Variants in DGKB observed in about 807,000 individuals in gnomAD.
DGKB encodes the protein diacylglycerol kinase beta, also known as 90 kDa diacylglycerol kinase.
A neutral mutation model predicts 114.3 loss-of-function variants in DGKB; 67 were observed. The observed-to-expected ratio is 0.59, with a 90% CI of 0.48 to 0.72. The LOEUF is 0.72. Ranked by LOEUF, DGKB falls within the 30% of genes least tolerant of loss-of-function variation. The probability of loss-of-function intolerance (pLI) is 0.00; values close to 1 mark genes in which losing one functional copy is unlikely to be tolerated. For missense variants in DGKB, 907 were observed against 975.2 expected, an observed-to-expected ratio of 0.93 and a Z score of 0.93; for synonymous variants, 398 against 323.1, an observed-to-expected ratio of 1.23 and a Z score of -2.49.
chr7:14,345,266 A>C lies in DGKB; in HGVS notation c.1926+35T>G, dbSNP rs199664620. The C allele has an allele frequency of 3.3e-6, 4 of 1,227,640 alleles. No individual in the cohort carries two copies. In the South Asian group the frequency reaches 4.0e-5, roughly 12 times the overall value. The allele number at this position is 1,227,640 out of a possible 1,614,324, so 76.0% of individuals were successfully genotyped here. On this transcript the variant is annotated intron_variant, in intron 22 of 25. Coordinates refer to ENST00000402815, the MANE Select transcript of DGKB (RefSeq NM_001350709.2). ...CTAACAACAAAGCTCAAGCCATTTC[A>C]TCATATTACAAAAGAGAATTCATTT...
rs374702658 is a variant in DGKB at position 14,322,423 on chromosome 7, A to T, written c.2122+16092T>A. Among the ~76,000 whole-genome samples, 222 of 152,318 alleles carry T rather than the reference A, an allele frequency of 1.5e-3. 2 individuals carry two copies. The highest frequency in any genetic ancestry group is 0.014 in the Middle Eastern group (4 of 294). Reference sequence around the variant, plus strand: ...TCTTTTCAATAAATACTGCTGGGTCAGTTGGATAATGATATGAAAAAAGAA... The same window carrying T: ...TCTTTTCAATAAATACTGCTGGGTCTGTTGGATAATGATATGAAAAAAGAA... On this transcript the variant is annotated intron_variant, in intron 23 of 25. Coordinates refer to ENST00000402815, the MANE Select transcript of DGKB (RefSeq NM_001350709.2).
chr7:14,218,941 A>G (rs1789465533), intron 23 of DGKB, among the ~76,000 whole-genome samples: 1 of 151,828 alleles, frequency 6.6e-6, no homozygotes, highest in South Asian at 2.1e-4. Context: ...TCAGTCCACT[A>G]TTCTCCCAGC....
chr7:14,338,496 T>A lies in DGKB; in HGVS notation c.2122+19A>T. 6.6e-7 allele frequency: 1 copy of A among 1,515,092 alleles called. No individual in the cohort carries two copies. Among genetic ancestry groups the A allele is most frequent in the Non-Finnish European group, 8.8e-7 (1 of 1,130,070 alleles). 93.9% of individuals were successfully genotyped at this position (1,515,092 alleles called of 1,614,324 possible). On this transcript the variant is annotated intron_variant, in intron 23 of 25. Transcript: ENST00000402815. ...ACAGGTTAACAAGCAATTTAACAAC[T>A]AATTGTTAGAAAACTGACCTTGACT...
Position 14,931,261 on chromosome 7 carries a change from G to A in DGKB, c.-188+43435C>T, listed in dbSNP as rs138401376. On this transcript the variant is annotated intron_variant, in intron 1 of 4. Coordinates refer to the DGKB transcript ENST00000437998. The stretch of plus-strand genomic sequence containing the variant: ...TGAGTATCTGGGATTACAGGCGTGC[G>A]CCTCCAAGCCCAGCTAATTTTTGTA... 2.0e-4 allele frequency among the ~76,000 whole-genome samples: 30 copies of A among 152,094 alleles called. No individual in the cohort carries two copies. The East Asian group carries it at 3.3e-3, about 17-fold the overall frequency.
At chr7:14,313,407 TGG>T (rs1187429843) in intron 23 of DGKB, among the ~76,000 whole-genome samples, 12 of 151,972 alleles carry the variant, frequency 7.9e-5, no homozygotes, top group Non-Finnish European at 1.2e-4. Flanking sequence ...CGCAGGTCAG[TGG>T]GTGTGCGCAC....
At chr7:14,865,400 G>A (rs1244955852) in intron 1 of DGKB, among the ~76,000 whole-genome samples, 1 of 152,082 alleles carries the variant, frequency 6.6e-6, no homozygotes, top group Non-Finnish European at 1.5e-5. Context: ...TGCTATTTCT[G>A]GCAGTTGGCT....
At chr7:14,614,759 T>A (rs1003757010) in intron 15 of DGKB, among the ~76,000 whole-genome samples, 14 of 152,126 alleles carry the variant, frequency 9.2e-5, no homozygotes, top group Admixed American at 8.5e-4. Context: ...CATATCCAAC[T>A]AGCTCTCATT....
At chr7:14,765,660 CCAGA>C (rs1196826289) in intron 2 of DGKB, among the ~76,000 whole-genome samples, 1 of 151,922 alleles carries the variant, frequency 6.6e-6, no homozygotes, top group Admixed American at 6.6e-5. Flanking sequence ...GCAACCCTAT[CCAGA>C]CACTAGGAAC....
chr7:14,437,041 T>C (rs998911972), intron 21 of DGKB, among the ~76,000 whole-genome samples: 1 of 152,146 alleles, frequency 6.6e-6, no homozygotes, highest in African/African-American at 2.4e-5. Flanking sequence ...TGGGTTTCTT[T>C]CTGCTTATTT....
chr7:14,473,764 GTCAAAAGGAGA>G (rs1333749276), intron 21 of DGKB, among the ~76,000 whole-genome samples: 1 of 152,208 alleles, frequency 6.6e-6, no homozygotes, highest in Non-Finnish European at 1.5e-5. Context: ...GAGACATAGA[GTCAAAAGGAGA>G]TCATTTTGGG....
intron 23 of DGKB, among the ~76,000 whole-genome samples, chr7:14,253,374 C>A (rs1795520547): frequency 6.6e-6 from 1 of 152,106 alleles, no homozygotes; most frequent in Non-Finnish European, 1.5e-5. Context: ...GCTGCCAACT[C>A]CTATTCTGCC....
intron 21 of DGKB, among the ~76,000 whole-genome samples, chr7:14,346,348 C>T (rs1465324274): frequency 1.3e-5 from 2 of 151,684 alleles, no homozygotes; most frequent in Non-Finnish European, 2.9e-5. Context: ...ATGTTAAATC[C>T]AATAGAGTGC....
intron 21 of DGKB, among the ~76,000 whole-genome samples, chr7:14,451,629 G>A (rs1831519786): frequency 1.3e-5 from 2 of 151,358 alleles, no homozygotes; most frequent in African/African-American, 4.9e-5. Context: ...ATACTCCTAT[G>A]TTATAAGAAA....
rs1781464274 is a variant in DGKB at position 14,146,247 on chromosome 7, C to T, written c.*2884G>A. The T allele has an allele frequency of 6.6e-6, 1 of 152,154 alleles. No homozygotes were observed. The highest frequency in any genetic ancestry group is 1.5e-5 in the Non-Finnish European group (1 of 68,024). 9.4% of individuals were successfully genotyped at this position (152,154 alleles called of 1,614,324 possible). ...TGGTTCTATGTAGATACCTCCCTTC[C>T]TATCTCTTAGAAGCGTGGATATCAA... is the stretch of plus-strand genomic sequence containing the variant. On this transcript the variant is annotated 3_prime_UTR_variant, in exon 26 of 26. Transcript: ENST00000402815.
At position 14,694,059 on chromosome 7, in the gene DGKB, C is replaced by T; in HGVS notation, c.711+16G>A. 2 of 1,568,204 alleles carry T rather than the reference C, an allele frequency of 1.3e-6. No homozygotes were observed. Among genetic ancestry groups the T allele is most frequent in the Non-Finnish European group, 1.7e-6 (2 of 1,154,478 alleles). ...TGACTCACCACCAGGCCACCCTCCT[C>T]TGTGGAAATGCTTACATTTTCTAAG... is the stretch of plus-strand genomic sequence containing the variant. On this transcript the variant is annotated intron_variant, in intron 9 of 25. Coordinates refer to ENST00000402815, the MANE Select transcript of DGKB (RefSeq NM_001350709.2).
intron 23 of DGKB, among the ~76,000 whole-genome samples, chr7:14,282,881 C>G (rs1329974475): frequency 1.3e-5 from 2 of 152,072 alleles, no homozygotes; most frequent in Non-Finnish European, 2.9e-5. Context: ...TAAGAGCTAT[C>G]TATGACAGAC....
chr7:14,573,251 GC>G (rs1798645419), intron 20 of DGKB, among the ~76,000 whole-genome samples: 1 of 151,898 alleles, frequency 6.6e-6, no homozygotes, highest in African/African-American at 2.4e-5. Flanking sequence ...TGTATATTTA[GC>G]CTTCATCATG....
In DGKB at chr7:14,384,708, G is replaced by T. The variant is rs565373550; in HGVS notation, c.1836-39317C>A. ...TAACACAAACTAAACCTTTACCTCCGTGGTTCTCAACTGGGGTCAATTGTG... is the reference window on the plus strand; with the variant it reads ...TAACACAAACTAAACCTTTACCTCCTTGGTTCTCAACTGGGGTCAATTGTG... On this transcript the variant is annotated intron_variant, in intron 21 of 25. Coordinates refer to ENST00000402815, the MANE Select transcript of DGKB (RefSeq NM_001350709.2). Among the ~76,000 whole-genome samples the T allele has an allele frequency of 4.6e-5, 7 of 152,264 alleles. No homozygotes were observed. The South Asian group carries it at 1.2e-3, about 27-fold the overall frequency.
chr7:14,212,445 T>C lies in DGKB; in HGVS notation c.2123-34294A>G, dbSNP rs911129368. ...GTTTTGTGATATTTACTCTCATGTT[T>C]TGTGTTCCTCTACATCTCTGGACAC... On this transcript the variant is annotated intron_variant, in intron 23 of 25. Transcript: ENST00000402815. 2.0e-5 allele frequency among the ~76,000 whole-genome samples: 3 copies of C among 151,806 alleles called. 1 individual carries two copies. The highest frequency in any genetic ancestry group is 2.9e-5 in the Non-Finnish European group (2 of 67,916).
Sources: gnomAD v4.1 joint callset for allele counts (sites outside exome capture counted in the v4.1 genomes callset) on GRCh38, gnomAD v4.1.1 for gene constraint, MANE v1.5 for transcripts, NCBI Gene and HGNC (gene_info 2026-07-23, HGNC 2026-07-21) for gene names.